Variants in HDAC8 observed in about 807,000 individuals in gnomAD.
HDAC8 encodes the protein histone deacetylase-like 1.
HDAC8 carries 1 observed loss-of-function variant against 32.2 expected under a neutral mutation model. That is an observed-to-expected ratio of 0.03 (90% CI 0.01 to 0.15). HDAC8 has a LOEUF of 0.15. HDAC8 is among the 10% of genes least tolerant of loss of function. The pLI, the probability that HDAC8 is intolerant of heterozygous loss-of-function variation, is 1.00. For synonymous variants in HDAC8, 108 were observed against 113.9 expected, an observed-to-expected ratio of 0.95 and a Z score of 0.33; for missense variants, 117 against 300.0, an observed-to-expected ratio of 0.39 and a Z score of 4.51.
At chrX:72,394,755 T>C (rs2045714593) in intron 9 of HDAC8, among the ~76,000 whole-genome samples, 1 of 112,258 alleles carries the variant, frequency 8.9e-6, no homozygotes, top group South Asian at 3.7e-4. Context: ...CATTTAGCAG[T>C]TTGCTCATGC....
intron 4 of HDAC8, among the ~76,000 whole-genome samples, chrX:72,512,717 T>C (rs1408126277): frequency 9.0e-6 from 1 of 111,564 alleles, no homozygotes; most frequent in Non-Finnish European, 1.9e-5. Flanking sequence ...CTCCTCCTGC[T>C]GTCTGTCCCC....
At position 72,419,352 on chromosome X, in the gene HDAC8, T is replaced by G. The variant is rs367834164; in HGVS notation, c.1005+42652A>C. ...TTCACCTCCTTGGTTGAGTTTATTC[T>G]ATTAGATGTTACTATAAATGCAATT... On this transcript the variant is annotated intron_variant, in intron 9 of 10. Coordinates refer to ENST00000373573, the MANE Select transcript of HDAC8 (RefSeq NM_018486.3). Among the ~76,000 whole-genome samples the G allele has an allele frequency of 1.2e-3, 129 of 111,818 alleles. 2 individuals carry two copies. The South Asian group carries it at 0.047, about 41-fold the overall frequency.
At chrX:72,477,367 T>C (rs1333141616) in intron 7 of HDAC8, among the ~76,000 whole-genome samples, 1 of 112,275 alleles carries the variant, frequency 8.9e-6, no homozygotes, top group Non-Finnish European at 1.9e-5. Flanking sequence ...CATTTCCTAA[T>C]CACATTTTCT....
At chrX:72,572,417 A>C in intron 1 of HDAC8, 2 of 356,454 alleles carry the variant, frequency 5.6e-6, no homozygotes, top group Non-Finnish European at 9.6e-6. Context: ...CCTCCTCCGT[A>C]CCCCCTCCCC....
At chrX:72,426,992 C>T (rs1555975636) in intron 9 of HDAC8, among the ~76,000 whole-genome samples, 1 of 110,181 alleles carries the variant, frequency 9.1e-6, no homozygotes, top group East Asian at 2.8e-4. Flanking sequence ...CGAGCCCTCA[C>T]CAGAAACTGT....
At chrX:72,533,309 T>A (rs2050412008) in intron 4 of HDAC8, among the ~76,000 whole-genome samples, 1 of 112,253 alleles carries the variant, frequency 8.9e-6, no homozygotes, top group Non-Finnish European at 1.9e-5. Context: ...TCCAACTTTA[T>A]TCTTTTTCAG....
rs1263402836 is a variant in HDAC8, at chrX:72,409,874, T to A, written c.1005+52130A>T. Among the ~76,000 whole-genome samples, 3 of 112,649 alleles carry A rather than the reference T, an allele frequency of 2.7e-5. No homozygotes were observed. The East Asian group carries it at 8.3e-4, about 31-fold the overall frequency. On this transcript the variant is annotated intron_variant, in intron 9 of 10. Coordinates refer to ENST00000373573, the MANE Select transcript of HDAC8 (RefSeq NM_018486.3). ...GAGGGCAGAGACCTTGTCCTACTGATTGTTTTTCATCCCCAGTGGCTAGTA... is the reference window on the plus strand; with the variant it reads ...GAGGGCAGAGACCTTGTCCTACTGAATGTTTTTCATCCCCAGTGGCTAGTA...
chrX:72,410,500 A>T (rs2046160869), intron 9 of HDAC8, among the ~76,000 whole-genome samples: 1 of 111,867 alleles, frequency 8.9e-6, no homozygotes, highest in South Asian at 3.8e-4. Flanking sequence ...GAGAAAGAAG[A>T]TGAAATCAGT....
chrX:72,351,658 T>C (rs2044183679), intron 10 of HDAC8, 75 bp downstream of exon 10: 7 of 689,461 alleles, frequency 1.0e-5, no homozygotes, highest in Non-Finnish European at 1.6e-5. Flanking sequence ...AAATGGTATT[T>C]AAGGAAGCCC....
At chrX:72,353,826 T>C (rs1291757848) in intron 9 of HDAC8, among the ~76,000 whole-genome samples, 1 of 111,640 alleles carries the variant, frequency 9.0e-6, no homozygotes, top group East Asian at 2.8e-4. Context: ...GGCATCAACG[T>C]GCTATAAAGA....
In HDAC8 at chrX:72,572,831, T is replaced by C. The variant is rs1556170056; in HGVS notation, c.-70A>G. On this transcript the variant is annotated 5_prime_UTR_variant, in exon 1 of 11. Coordinates refer to ENST00000373573, the MANE Select transcript of HDAC8 (RefSeq NM_018486.3). Reference sequence around the variant, plus strand: ...TTTTCGGACTCGGCCAGGGTTCCAGTTCCTGCTCCTCTGATCGGCCGCAGC... The same window carrying C: ...TTTTCGGACTCGGCCAGGGTTCCAGCTCCTGCTCCTCTGATCGGCCGCAGC... 1.1e-6 allele frequency: 1 copy of C among 884,890 alleles called. No individual in the cohort carries two copies. The highest frequency in any genetic ancestry group is 3.1e-5 in the East Asian group (1 of 32,302). 72.9% of individuals were successfully genotyped at this position (884,890 alleles called of 1,213,427 possible).
intron 10 of HDAC8, among the ~76,000 whole-genome samples, chrX:72,350,011 G>A (rs143115949): frequency 0.041 from 4,603 of 111,458 alleles, 189 homozygotes; most frequent in East Asian, 0.18. Context: ...CAGGACATGC[G>A]TACCAGGTTT....
chrX:72,366,068 A>G (rs1555954231), intron 9 of HDAC8, among the ~76,000 whole-genome samples: 3 of 112,459 alleles, frequency 2.7e-5, no homozygotes, highest in African/African-American at 9.7e-5. Flanking sequence ...GGGAAGAACC[A>G]TAATAGAGGT....
chrX:72,473,894 C>T (rs1302016228), intron 7 of HDAC8: 11 of 751,803 alleles, frequency 1.5e-5, no homozygotes, highest in African/African-American at 2.3e-5. Flanking sequence ...CCAGCTCTTC[C>T]GTGATGTGGT....
In HDAC8 at chrX:72,532,302, C is replaced by T. The variant is rs189375019; in HGVS notation, c.437+35587G>A. Among the ~76,000 whole-genome samples the T allele has an allele frequency of 8.6e-5, 7 of 81,038 alleles. No homozygotes were observed. The East Asian group carries it at 2.7e-3, about 31-fold the overall frequency. 70.4% of individuals were successfully genotyped at this position (81,038 alleles called of 115,157 possible). A position where few individuals can be genotyped will look rare whatever the true frequency, so the allele number is the denominator to read the frequency against. Reference sequence around the variant, plus strand: ...AGAAACAGGTTCCTGCTATGTTGCTCAGGCTGGTCTCAAACTCCTGGTCTC... The same window carrying T: ...AGAAACAGGTTCCTGCTATGTTGCTTAGGCTGGTCTCAAACTCCTGGTCTC... On this transcript the variant is annotated intron_variant, in intron 4 of 10. Coordinates refer to ENST00000373573, the MANE Select transcript of HDAC8 (RefSeq NM_018486.3).
chrX:72,487,001 C>T (rs1490634896), intron 7 of HDAC8, among the ~76,000 whole-genome samples: 1 of 111,617 alleles, frequency 9.0e-6, no homozygotes, highest in African/African-American at 3.3e-5. Context: ...CACTGTGTGG[C>T]TTGCATTGCC....
intron 7 of HDAC8, chrX:72,473,763 TAC>T (rs2148070481): frequency 1.3e-6 from 1 of 754,658 alleles, no homozygotes; most frequent in Non-Finnish European, 1.6e-6. Flanking sequence ...GCCAAAACTT[TAC>T]TGGGAAGAGT....
chrX:72,385,479 C>T lies in HDAC8; in HGVS notation c.1006-33641G>A, dbSNP rs188417657. On this transcript the variant is annotated intron_variant, in intron 9 of 10. Transcript: ENST00000373573. ...CCTCATCTCAAAACCAAAACCAAAA[C>T]GAAAAAACAAGCAAACAAAAAACTT... is the stretch of plus-strand genomic sequence containing the variant. Among the ~76,000 whole-genome samples the T allele has an allele frequency of 7.5e-3, 828 of 109,677 alleles. 4 individuals carry two copies. Among genetic ancestry groups the T allele is most frequent in the African/African-American group, 0.025 (756 of 30,120 alleles).
intron 4 of HDAC8, among the ~76,000 whole-genome samples, chrX:72,559,090 C>T (rs1165221031): frequency 1.3e-5 from 1 of 79,654 alleles, no homozygotes; most frequent in African/African-American, 4.7e-5. Flanking sequence ...TCTCCCTCTC[C>T]CTCTCTCTCC....
Sources: gnomAD v4.1 joint callset for allele counts (sites outside exome capture counted in the v4.1 genomes callset) on GRCh38, gnomAD v4.1.1 for gene constraint, MANE v1.5 for transcripts, NCBI Gene and HGNC (gene_info 2026-07-23, HGNC 2026-07-21) for gene names.